Variants in SNX15 observed in about 807,000 individuals in gnomAD.
SNX15 encodes the protein sorting nexin 15.
In SNX15, 29 loss-of-function variants were observed where a neutral mutation model predicts 35.2. That is an observed-to-expected ratio of 0.82 (90% confidence interval 0.61 to 1.12). The LOEUF (loss-of-function observed/expected upper bound fraction) is 1.12. Among genes scored for constraint, SNX15 ranks in the 50% most tolerant of loss-of-function variants. The pLI is 0.00. For synonymous variants in SNX15, 189 were observed against 188.2 expected (o/e 1.00, Z -0.03); for missense variants, 400 against 451.5 (o/e 0.89, Z 1.03).
At position 65,039,866 on chromosome 11, in the gene SNX15, C is replaced by T. The variant is rs1044308705; in HGVS notation, c.*74C>T. On this transcript the variant is annotated 3_prime_UTR_variant, in exon 8 of 8. Transcript: ENST00000377244. ...CTTCTCCTCTCCCCAGGGCCTGGCC[C>T]TACCTCCTGGTCTTGTAATTACAGG... is the stretch of plus-strand genomic sequence containing the variant. 2 of 980,706 alleles carry T rather than the reference C, an allele frequency of 2.0e-6. No homozygotes were observed. Among genetic ancestry groups the T allele is most frequent in the Non-Finnish European group, 3.1e-6 (2 of 636,100 alleles). 60.8% of individuals were successfully genotyped at this position (980,706 alleles called of 1,614,324 possible).
chr11:65,029,328 C>T (rs1404164902), intron 1 of SNX15, among the ~76,000 whole-genome samples: 5 of 150,784 alleles, frequency 3.3e-5, no homozygotes, highest in African/African-American at 1.2e-4. Flanking sequence ...AGCTAATATT[C>T]GTATTTTTTG....
intron 7 of SNX15, 21 bp from the exon 8 acceptor site, chr11:65,039,665 C>T (rs1181349895): frequency 6.3e-7 from 1 of 1,584,504 alleles, no homozygotes; most frequent in Non-Finnish European, 8.7e-7. Context: ...GGTGCCTCAG[C>T]TGAGCATTCT....
rs374302516 is a variant in SNX15 at position 65,039,760 on chromosome 11, C to G, written c.997C>G (p.Leu333Val). The change falls in exon 8 of 8, where the codon CTG (leucine) becomes GTG (valine). Residue 333 changes from leucine (L) to valine (V), a missense_variant. Physicochemically the swap from Leu to Val is conservative, Grantham distance 32. Transcript: ENST00000377244. Reference sequence around the variant, plus strand: ...GTACCTGAAGCGGGCAGAGGAGATCCTGCGCCTGCACCTGTCTCAACTCCC... The same window carrying G: ...GTACCTGAAGCGGGCAGAGGAGATCGTGCGCCTGCACCTGTCTCAACTCCC... ...AEYLKRAEEILRLHLSQLPP is the reference protein window; with the variant it reads ...AEYLKRAEEIVRLHLSQLPP The G allele has an allele frequency of 2.5e-6, 4 of 1,613,242 alleles. No homozygotes were observed. Among genetic ancestry groups the G allele is most frequent in the Admixed American group, 3.3e-5 (2 of 59,922 alleles).
rs1284979769 is a variant in SNX15 at position 65,034,939 on chromosome 11, C to T, written c.349C>T (p.Pro117Ser). The change falls in exon 4 of 8, where the codon CCC (proline) becomes TCC (serine). Residue 117 changes from proline to serine, a missense_variant. By Grantham distance (74) the Pro-to-Ser change is moderately conservative. Transcript: ENST00000377244. ...TVHIPALNNS[P>S]QLKEFFRGGE... Reference sequence around the variant, plus strand: ...GCACATACCTGCGCTCAACAACAGCCCCCAGCTCAAGGAGTTCTTCCGGGT... The same window carrying T: ...GCACATACCTGCGCTCAACAACAGCTCCCAGCTCAAGGAGTTCTTCCGGGT... The T allele has an allele frequency of 6.2e-7, 1 of 1,614,058 alleles. No homozygotes were observed. Among genetic ancestry groups the T allele is most frequent in the South Asian group, 1.1e-5 (1 of 91,086 alleles).
In SNX15 at chr11:65,039,723, G is replaced by A. The variant is rs1946557214; in HGVS notation, c.960G>A (p.Lys320=). The change falls in exon 8 of 8, where the codon AAG becomes AAA. Residue 320 remains lysine (K), a synonymous_variant. Coordinates refer to ENST00000377244, the MANE Select transcript of SNX15 (RefSeq NM_013306.5). ...CTGCCCGCCAGGAAGGTGTGAAGAAGAAGGCAGCTGAGTACCTGAAGCGGG... is the reference window on the plus strand; with the variant it reads ...CTGCCCGCCAGGAAGGTGTGAAGAAAAAGGCAGCTGAGTACCTGAAGCGGG... The part of the protein sequence containing the change: ...PLPARQEGVK[K]KAAEYLKRAE... The A allele has an allele frequency of 1.2e-6, 2 of 1,613,770 alleles. No individual in the cohort carries two copies. The highest frequency in any genetic ancestry group is 1.7e-6 in the Non-Finnish European group (2 of 1,179,892).
chr11:65,039,748 G>A lies in SNX15; in HGVS notation c.985G>A (p.Ala329Thr), dbSNP rs138307140. The A allele has an allele frequency of 6.2e-7, 1 of 1,613,616 alleles. No individual in the cohort carries two copies. Among genetic ancestry groups the A allele is most frequent in the African/African-American group, 1.3e-5 (1 of 75,024 alleles). Reference protein sequence around the residue: ...KKKAAEYLKRAEEILRLHLSQ... With the variant: ...KKKAAEYLKRTEEILRLHLSQ... The stretch of plus-strand genomic sequence containing the variant: ...GAAGGCAGCTGAGTACCTGAAGCGG[G>A]CAGAGGAGATCCTGCGCCTGCACCT... Residue 329 changes from alanine (A) to threonine (T), a missense_variant, in exon 8 of 8, where the codon GCA becomes ACA. Coordinates refer to ENST00000377244, the MANE Select transcript of SNX15 (RefSeq NM_013306.5).
chr11:65,032,248 C>G, intron 2 of SNX15, 45 bp downstream of exon 2: 4 of 1,603,116 alleles, frequency 2.5e-6, no homozygotes, highest in Non-Finnish European at 3.4e-6. Context: ...AGTTCCAGAT[C>G]TGGAAACTGT....
At position 65,035,630 on chromosome 11, in the gene SNX15, G is replaced by T; in HGVS notation, c.631G>T (p.Glu211Ter). The T allele has an allele frequency of 6.2e-7, 1 of 1,612,664 alleles. No homozygotes were observed. The highest frequency in any genetic ancestry group is 2.2e-5 in the East Asian group (1 of 44,856). The change falls in exon 6 of 8, where the codon GAG becomes TAG. Residue 211 changes from glutamate (E) to a stop codon, truncating the protein, a stop_gained. Coordinates refer to ENST00000377244, the MANE Select transcript of SNX15 (RefSeq NM_013306.5). LOFTEE classifies it high-confidence loss of function. ...TGCCCGAGGCCCCCTCACCGAGGCT[G>T]AGCTTGCCCTCTTCGACCCCTTCTC... ...SPARGPLTEA[E>*]LALFDPFSKE...
At chr11:65,038,923 C>T in intron 7 of SNX15, 94 bp downstream of exon 7, 1 of 1,028,812 alleles carries the variant, frequency 9.7e-7, no homozygotes, top group Non-Finnish European at 1.3e-6. Flanking sequence ...GGATCAGGAG[C>T]CCTTTTACTC....
In SNX15 at chr11:65,038,450, C is replaced by A. The variant is rs1331472768; in HGVS notation, c.665-122C>A. On this transcript the variant is annotated intron_variant, in intron 6 of 7. Transcript: ENST00000377244. Reference sequence around the variant, plus strand: ...ACAGACGACTTCTGGATTGCTCTGGCATTGGTCCCCTCTACTGGGGACAGG... The same window carrying A: ...ACAGACGACTTCTGGATTGCTCTGGAATTGGTCCCCTCTACTGGGGACAGG... The A allele has an allele frequency of 3.1e-6, 4 of 1,304,158 alleles. No individual in the cohort carries two copies. The East Asian group carries it at 1.1e-4, about 35-fold the overall frequency. The allele number at this position is 1,304,158 out of a possible 1,614,324, so 80.8% of individuals were successfully genotyped here.
rs546593699 is a variant in SNX15, at chr11:65,040,236, C to G, written c.*444C>G. On this transcript the variant is annotated 3_prime_UTR_variant, in exon 8 of 8. Transcript: ENST00000377244. ...CAGGCTGGTCTCGAACTCCTGACCT[C>G]AAGTGATCCACCCGCCTCAGTCTCC... The G allele has an allele frequency of 4.1e-3, 654 of 160,842 alleles. 3 individuals carry two copies. The highest frequency in any genetic ancestry group is 0.014 in the African/African-American group (587 of 41,762). The allele number at this position is 160,842 out of a possible 1,614,324, so 10.0% of individuals were successfully genotyped here. A position where few individuals can be genotyped will look rare whatever the true frequency, so the allele number is the denominator to read the frequency against.
At chr11:65,037,981 C>CA in intron 6 of SNX15, 1 of 152,406 alleles carries the variant, frequency 6.6e-6, no homozygotes, top group South Asian at 2.1e-4. Flanking sequence ...AAAGGTGCAC[C>CA]AGATTTCCAG....
At chr11:65,032,698 C>A in intron 3 of SNX15, 147 bp downstream of exon 3, 1 of 925,116 alleles carries the variant, frequency 1.1e-6, no homozygotes, top group Non-Finnish European at 1.6e-6. Context: ...CCTCATTTGA[C>A]AGATGGGGAA....
intron 1 of SNX15, among the ~76,000 whole-genome samples, chr11:65,028,920 C>T (rs1413975560): frequency 1.3e-5 from 2 of 151,650 alleles, no homozygotes; most frequent in Admixed American, 6.6e-5. Context: ...GGTGAAACCC[C>T]ATCTCTACTA....
In SNX15 at chr11:65,034,930, A is replaced by G. The variant is rs778011943; in HGVS notation, c.340A>G (p.Asn114Asp). Residue 114 changes from asparagine to aspartate, a missense_variant, in exon 4 of 8, where the codon AAC becomes GAC. Asn to Asp is a conservative substitution (Grantham distance 23). Transcript: ENST00000377244. The stretch of plus-strand genomic sequence containing the variant: ...CTTCACTGTGCACATACCTGCGCTC[A>G]ACAACAGCCCCCAGCTCAAGGAGTT... ...LRFTVHIPALNNSPQLKEFFR... is the reference protein window; with the variant it reads ...LRFTVHIPALDNSPQLKEFFR... The G allele has an allele frequency of 2.5e-6, 4 of 1,613,978 alleles. No homozygotes were observed. The highest frequency in any genetic ancestry group is 1.1e-5 in the South Asian group (1 of 91,094).
At chr11:65,039,645 G>GT in intron 7 of SNX15, 41 bp from the exon 8 acceptor site, 1 of 1,387,306 alleles carries the variant, frequency 7.2e-7, no homozygotes, top group East Asian at 2.3e-5. Flanking sequence ...GACCAGGCCA[G>GT]TGGTGCCCAG....
intron 3 of SNX15, 38 bp from the exon 4 acceptor site, chr11:65,034,809 C>T (rs745349829): frequency 6.5e-7 from 1 of 1,550,022 alleles, no homozygotes; most frequent in Non-Finnish European, 8.9e-7. Context: ...CTGTGGGTCA[C>T]CGCCACTCTC....
At chr11:65,028,731 G>A (rs1946403860) in intron 1 of SNX15, among the ~76,000 whole-genome samples, 1 of 151,204 alleles carries the variant, frequency 6.6e-6, no homozygotes, top group Non-Finnish European at 1.5e-5. Flanking sequence ...TTGTCCCTGG[G>A]AAGATAGACT....
chr11:65,033,968 A>G (rs1208932876), intron 3 of SNX15, among the ~76,000 whole-genome samples: 1 of 152,026 alleles, frequency 6.6e-6, no homozygotes, highest in East Asian at 1.9e-4. Flanking sequence ...TCGGCCTCCT[A>G]AAACGCTGGG....
Sources: allele counts gnomAD v4.1 joint callset (sites outside exome capture counted in the v4.1 genomes callset), GRCh38; gene constraint gnomAD v4.1.1; transcripts MANE v1.5; gene names NCBI Gene and HGNC (gene_info 2026-07-23, HGNC 2026-07-21).